Variants in CAB39 observed in about 807,000 individuals in gnomAD.
CAB39 encodes the protein calcium binding protein 39, also known as calcium-binding protein 39.
In CAB39, 8 loss-of-function variants were observed where a neutral mutation model predicts 40.0. That is an observed-to-expected ratio of 0.20 (90% CI 0.12 to 0.36). CAB39 has a LOEUF of 0.36. Ranked by LOEUF, CAB39 falls within the 10% of genes least tolerant of loss-of-function variation. The pLI, the probability that CAB39 is intolerant of heterozygous loss-of-function variation, is 1.00. For synonymous variants in CAB39, 156 were observed against 141.6 expected (o/e 1.10, Z -0.72); for missense variants, 270 against 401.1 (o/e 0.67, Z 2.79).
At chr2:230,770,152 G>A (rs1400719690) in intron 2 of CAB39, among the ~76,000 whole-genome samples, 1 of 151,506 alleles carries the variant, frequency 6.6e-6, no homozygotes, top group Non-Finnish European at 1.5e-5. Context: ...GTAAGCAGGA[G>A]AAAGGAAATA....
chr2:230,719,475 G>A (rs183084629), intron 1 of CAB39, among the ~76,000 whole-genome samples: 5 of 152,324 alleles, frequency 3.3e-5, no homozygotes, highest in Non-Finnish European at 7.4e-5. Flanking sequence ...TTTCCAAGCA[G>A]TAACCACATT....
chr2:230,736,878 G>A (rs1694796177), intron 1 of CAB39, among the ~76,000 whole-genome samples: 2 of 152,132 alleles, frequency 1.3e-5, no homozygotes, highest in Admixed American at 6.5e-5. Flanking sequence ...TGGAGCTGTG[G>A]AAGTGGCCCT....
chr2:230,740,474 A>C (rs1694857018), intron 1 of CAB39, among the ~76,000 whole-genome samples: 1 of 152,228 alleles, frequency 6.6e-6, no homozygotes, highest in East Asian at 1.9e-4. Context: ...GGCACGTCCC[A>C]AAATGCAGTA....
intron 2 of CAB39, among the ~76,000 whole-genome samples, chr2:230,766,332 C>G (rs1695384806): frequency 6.6e-6 from 1 of 152,036 alleles, no homozygotes; most frequent in Non-Finnish European, 1.5e-5. Context: ...TAAACATTTA[C>G]AAAATACAAG....
At chr2:230,769,143 A>T (rs1392001002) in intron 2 of CAB39, among the ~76,000 whole-genome samples, 1 of 152,260 alleles carries the variant, frequency 6.6e-6, no homozygotes, top group South Asian at 2.1e-4. Flanking sequence ...AGAGCAAAGA[A>T]TATTACCAAG....
In CAB39 at chr2:230,818,934, C is replaced by G. The variant is rs1696453777; in HGVS notation, c.*230C>G. The G allele has an allele frequency of 4.6e-6, 2 of 439,434 alleles. No homozygotes were observed. Among genetic ancestry groups the G allele is most frequent in the South Asian group, 4.7e-5 (2 of 42,646 alleles). 27.2% of individuals were successfully genotyped at this position (439,434 alleles called of 1,614,324 possible). Reference sequence around the variant, plus strand: ...TTGATCTTTGTGTCATTTCAGAATTCAAAGACTGTGCTACGGGAGTTCTGA... The same window carrying G: ...TTGATCTTTGTGTCATTTCAGAATTGAAAGACTGTGCTACGGGAGTTCTGA... On this transcript the variant is annotated 3_prime_UTR_variant, in exon 9 of 9. Coordinates refer to ENST00000258418, the MANE Select transcript of CAB39 (RefSeq NM_016289.4).
At chr2:230,738,574 A>G (rs906064856) in intron 1 of CAB39, among the ~76,000 whole-genome samples, 1 of 152,210 alleles carries the variant, frequency 6.6e-6, no homozygotes, top group Non-Finnish European at 1.5e-5. Context: ...AGAATGTTCT[A>G]TGTGATCATC....
chr2:230,804,802 G>C (rs561431120), intron 5 of CAB39, among the ~76,000 whole-genome samples: 1 of 152,168 alleles, frequency 6.6e-6, no homozygotes, highest in South Asian at 2.1e-4. Flanking sequence ...GTTGGTGGGC[G>C]TGTAAACTAG....
At chr2:230,760,643 C>T (rs1311692230) in intron 2 of CAB39, among the ~76,000 whole-genome samples, 2 of 152,176 alleles carry the variant, frequency 1.3e-5, no homozygotes, top group Non-Finnish European at 2.9e-5. Flanking sequence ...GTTCTTCCCC[C>T]ACAATCTTCC....
intron 2 of CAB39, among the ~76,000 whole-genome samples, chr2:230,778,713 T>G (rs1480281796): frequency 6.6e-6 from 1 of 152,238 alleles, no homozygotes. Context: ...TTTGAAGTCC[T>G]GTTACACGTT....
At chr2:230,769,640 A>C (rs1695448589) in intron 2 of CAB39, among the ~76,000 whole-genome samples, 1 of 152,306 alleles carries the variant, frequency 6.6e-6, no homozygotes, top group South Asian at 2.1e-4. Flanking sequence ...TTTAGGAACT[A>C]AATATCGTAC....
intron 1 of CAB39, chr2:230,725,161 C>G: frequency 6.2e-7 from 1 of 1,613,364 alleles, no homozygotes; most frequent in Non-Finnish European, 8.5e-7. Context: ...AGGCGTCGCA[C>G]CACTCTCGAA....
rs578010806 is a variant in CAB39 at position 230,780,403 on chromosome 2, G to T, written c.115-10469G>T. On this transcript the variant is annotated intron_variant, in intron 2 of 8. Transcript: ENST00000258418. ...CACAGGCCTTTTTCAAGTTTCATCA[G>T]TTGTCCTACTCATGTCCTTTTTCTG... is the stretch of plus-strand genomic sequence containing the variant. Among the ~76,000 whole-genome samples the T allele has an allele frequency of 5.3e-5, 8 of 152,286 alleles. No individual in the cohort carries two copies. The South Asian group carries it at 1.7e-3, about 32-fold the overall frequency.
chr2:230,788,932 A>G (rs1287049735), intron 2 of CAB39, among the ~76,000 whole-genome samples: 10 of 152,168 alleles, frequency 6.6e-5, no homozygotes, highest in South Asian at 2.1e-4. Flanking sequence ...TGGAATTACA[A>G]TTTTTATTAA....
chr2:230,757,891 G>A (rs1051585591), intron 1 of CAB39, among the ~76,000 whole-genome samples: 2 of 151,976 alleles, frequency 1.3e-5, no homozygotes, highest in Non-Finnish European at 2.9e-5. Context: ...TCCAGGCTTT[G>A]TGTCCCATCT....
At chr2:230,771,879 C>T (rs1297788909) in intron 2 of CAB39, among the ~76,000 whole-genome samples, 1 of 152,102 alleles carries the variant, frequency 6.6e-6, no homozygotes, top group Non-Finnish European at 1.5e-5. Flanking sequence ...GGTGCTGAAA[C>T]TATTTAGTAG....
At chr2:230,802,898 ACTC>A (rs1435297735) in intron 5 of CAB39, among the ~76,000 whole-genome samples, 12 of 152,194 alleles carry the variant, frequency 7.9e-5, no homozygotes, top group Non-Finnish European at 1.5e-4. Flanking sequence ...ATCTTCCCTA[ACTC>A]ATTTTATGAG....
chr2:230,728,539 C>T (rs1291168165), intron 1 of CAB39, among the ~76,000 whole-genome samples: 6 of 152,112 alleles, frequency 3.9e-5, no homozygotes. Flanking sequence ...GAGCTCAGAG[C>T]AATCCACCTG....
At chr2:230,793,372 TAAAG>T (rs1695924156) in intron 4 of CAB39, 41 bp downstream of exon 4, 8 of 987,542 alleles carry the variant, frequency 8.1e-6, no homozygotes, top group Non-Finnish European at 1.2e-5. Context: ...CAGTTGAACA[TAAAG>T]GAAGGATTGC....
Sources: allele counts gnomAD v4.1 joint callset (sites outside exome capture counted in the v4.1 genomes callset), GRCh38; gene constraint gnomAD v4.1.1; transcripts MANE v1.5; gene names NCBI Gene and HGNC (gene_info 2026-07-23, HGNC 2026-07-21).